Variants in TTC39B observed in about 807,000 individuals in gnomAD.
TTC39B encodes the protein tetratricopeptide repeat domain 39B.
A neutral mutation model predicts 96.6 loss-of-function variants in TTC39B; 92 were observed. The observed-to-expected ratio is 0.95, with a 90% CI of 0.80 to 1.13. The LOEUF (loss-of-function observed/expected upper bound fraction) is 1.13. Among genes scored for constraint, TTC39B ranks in the 50% most tolerant of loss-of-function variants. The pLI is 0.00. For synonymous variants in TTC39B, 367 were observed against 299.4 expected, an observed-to-expected ratio of 1.23 and a Z score of -2.33; for missense variants, 955 against 809.3, an observed-to-expected ratio of 1.18 and a Z score of -2.18.
intron 1 of TTC39B, among the ~76,000 whole-genome samples, chr9:15,269,481 G>A (rs1823255468): frequency 6.6e-6 from 1 of 152,222 alleles, no homozygotes; most frequent in Admixed American, 6.5e-5. Flanking sequence ...TTTCCCTTGT[G>A]TGGCCATTAA....
chr9:15,189,033 C>T (rs1215855285), intron 13 of TTC39B, among the ~76,000 whole-genome samples: 1 of 151,920 alleles, frequency 6.6e-6, no homozygotes, highest in Non-Finnish European at 1.5e-5. Context: ...AGATCCAAGA[C>T]ATATTGTAAA....
Position 15,183,616 on chromosome 9 carries a change from C to T in TTC39B, c.1615-1201G>A, listed in dbSNP as rs75705918. Among the ~76,000 whole-genome samples, 1,183 of 152,220 alleles carry T rather than the reference C, an allele frequency of 7.8e-3. 22 individuals carry two copies. Among genetic ancestry groups the T allele is most frequent in the African/African-American group, 0.027 (1,126 of 41,518 alleles). On this transcript the variant is annotated intron_variant, in intron 16 of 19. Transcript: ENST00000512701. ...GATACACTTACGTATACACTGGTAT[C>T]TAAGTATTAAGGCAAAGAAAGATGA...
chr9:15,225,877 C>A, intron 3 of TTC39B, 40 bp downstream of exon 3: 3 of 1,573,688 alleles, frequency 1.9e-6, no homozygotes, highest in Non-Finnish European at 2.6e-6. Context: ...TGGGACTGTC[C>A]TCCCCTCTTC....
At chr9:15,171,965 T>A in exon 20 of TTC39B, 1 of 1,360,616 alleles carries the variant, frequency 7.3e-7, no homozygotes, top group Admixed American at 1.7e-5. Context: ...TAAGGTTGAA[T>A]CTATAGCAGA....
rs749659989 is a variant in TTC39B, at chr9:15,249,982, C to G, written c.275+17932G>C. On this transcript the variant is annotated intron_variant, in intron 2 of 19. Transcript: ENST00000512701. ...TCCCACTATGAAGATGTCTTTCCCT[C>G]TCTTCTACCAGATTTTTTTTTAAGC... 8.9e-5 allele frequency: 114 copies of G among 1,286,902 alleles called. No individual in the cohort carries two copies. The African/African-American group carries it at 1.6e-3, about 18-fold the overall frequency. The allele number at this position is 1,286,902 out of a possible 1,614,324, so 79.7% of individuals were successfully genotyped here.
chr9:15,276,871 A>G (rs1156383623), intron 1 of TTC39B, among the ~76,000 whole-genome samples: 1 of 152,188 alleles, frequency 6.6e-6, no homozygotes, highest in Non-Finnish European at 1.5e-5. Flanking sequence ...CTCAATAAAT[A>G]CAACTTCACA....
At chr9:15,227,778 T>G (rs1821205479) in intron 2 of TTC39B, among the ~76,000 whole-genome samples, 1 of 152,200 alleles carries the variant, frequency 6.6e-6, no homozygotes, top group African/African-American at 2.4e-5. Context: ...CTCTGAAATG[T>G]ACTGTTAAAA....
In TTC39B at chr9:15,285,709, G is replaced by A. The variant is rs574614342; in HGVS notation, c.241-17761C>T. The stretch of plus-strand genomic sequence containing the variant: ...CTCTACTAAAAATACAAAAAAATTA[G>A]CCGGGCTTGGTGGCGGGCGCCTGTA... On this transcript the variant is annotated intron_variant, in intron 1 of 19. Transcript: ENST00000512701. Among the ~76,000 whole-genome samples the A allele has an allele frequency of 2.7e-4, 41 of 152,220 alleles. 1 individual carries two copies. Among genetic ancestry groups the A allele is most frequent in the East Asian group, 1.7e-3 (9 of 5,148 alleles).
intron 3 of TTC39B, among the ~76,000 whole-genome samples, chr9:15,223,527 A>G (rs1820959565): frequency 6.6e-6 from 1 of 152,224 alleles, no homozygotes; most frequent in African/African-American, 2.4e-5. Context: ...CAGGAGGAGT[A>G]ACATATGAGG....
chr9:15,203,867 A>C, exon 7 of TTC39B: 1 of 1,613,480 alleles, frequency 6.2e-7, no homozygotes, highest in South Asian at 1.1e-5. Flanking sequence ...CACTCGGCAT[A>C]ACAGATTTCA....
chr9:15,169,045 A>C (rs1817580887), exon 20 of TTC39B: 1 of 152,206 alleles, frequency 6.6e-6, no homozygotes, highest in African/African-American at 2.4e-5. Flanking sequence ...AGCTTGCAGG[A>C]CAGGCAGAAA....
chr9:15,273,003 G>C (rs1823411952), intron 1 of TTC39B, among the ~76,000 whole-genome samples: 1 of 152,180 alleles, frequency 6.6e-6, no homozygotes, highest in South Asian at 2.1e-4. Context: ...AACTGACACA[G>C]AGTGAGGAAA....
In TTC39B at chr9:15,278,052, T is replaced by C. The variant is rs534712415; in HGVS notation, c.241-10104A>G. On this transcript the variant is annotated intron_variant, in intron 1 of 19. Coordinates refer to ENST00000512701, the Ensembl canonical transcript of TTC39B. ...CATTGCTTTAGTTTCTACTAACACA[T>C]AGATTAGAGAGCTAAAAAAGAAATG... Among the ~76,000 whole-genome samples, 9 of 152,150 alleles carry C rather than the reference T, an allele frequency of 5.9e-5. No individual in the cohort carries two copies. The East Asian group carries it at 9.6e-4, about 16-fold the overall frequency.
intron 1 of TTC39B, among the ~76,000 whole-genome samples, chr9:15,268,817 C>T (rs1412460881): frequency 1.3e-5 from 2 of 152,186 alleles, no homozygotes; most frequent in African/African-American, 2.4e-5. Context: ...CACATGACAA[C>T]AATATCATTC....
chr9:15,231,804 G>T (rs1821436801), intron 2 of TTC39B, among the ~76,000 whole-genome samples: 1 of 152,188 alleles, frequency 6.6e-6, no homozygotes, highest in South Asian at 2.1e-4. Context: ...GTCCTTCAAG[G>T]TTTTCCATCA....
At chr9:15,235,389 A>G (rs1199146598) in intron 2 of TTC39B, among the ~76,000 whole-genome samples, 1 of 152,206 alleles carries the variant, frequency 6.6e-6, no homozygotes, top group Non-Finnish European at 1.5e-5. Flanking sequence ...TGGAAAATAT[A>G]TTTGAGGGAA....
At chr9:15,193,357 T>TA (rs1486015905) in intron 8 of TTC39B, among the ~76,000 whole-genome samples, 5 of 152,310 alleles carry the variant, frequency 3.3e-5, no homozygotes, top group African/African-American at 1.2e-4. Context: ...GACAAAAATA[T>TA]AAAAATTGAT....
intron 2 of TTC39B, among the ~76,000 whole-genome samples, chr9:15,241,328 G>A (rs1822030914): frequency 6.6e-6 from 1 of 151,604 alleles, no homozygotes; most frequent in Admixed American, 6.6e-5. Flanking sequence ...CAATGAAACT[G>A]GAAAAGATAG....
At chr9:15,172,658 A>G (rs957884589) in intron 19 of TTC39B, among the ~76,000 whole-genome samples, 1 of 152,306 alleles carries the variant, frequency 6.6e-6, no homozygotes, top group Admixed American at 6.5e-5. Flanking sequence ...AAAGGGGGCC[A>G]TAGAAATCCA....
Sources: gnomAD v4.1 joint callset for allele counts (sites outside exome capture counted in the v4.1 genomes callset) on GRCh38, gnomAD v4.1.1 for gene constraint, MANE v1.5 for transcripts, NCBI Gene and HGNC (gene_info 2026-07-23, HGNC 2026-07-21) for gene names.